The following SLIT2 variants were observed in gnomAD, a reference collection of about 807,000 sequenced individuals.
SLIT2 encodes the protein slit homolog 2 protein.
In SLIT2, 41 loss-of-function variants were observed where a neutral mutation model predicts 185.7. That is an observed-to-expected ratio of 0.22 (90% CI 0.17 to 0.29). SLIT2 has a LOEUF of 0.29. Ranked by LOEUF, SLIT2 falls within the 10% of genes least tolerant of loss-of-function variation. The pLI is 1.00. For synonymous variants in SLIT2, 693 were observed against 680.2 expected, an observed-to-expected ratio of 1.02 and a Z score of -0.29; for missense variants, 1,571 against 1,909.0, an observed-to-expected ratio of 0.82 and a Z score of 3.30.
intron 9 of SLIT2, among the ~76,000 whole-genome samples, chr4:20,496,499 G>C (rs1718240536): frequency 6.6e-6 from 1 of 152,186 alleles, no homozygotes; most frequent in South Asian, 2.1e-4. Context: ...GCACAGGTCA[G>C]ATAAAGGCTG....
intron 26 of SLIT2, among the ~76,000 whole-genome samples, chr4:20,561,458 CTG>C (rs1724685269): frequency 6.6e-6 from 1 of 151,610 alleles, no homozygotes; most frequent in Non-Finnish European, 1.5e-5. Context: ...AGCTTTTGTT[CTG>C]TGTCTTAAAA....
intron 9 of SLIT2, among the ~76,000 whole-genome samples, chr4:20,494,493 T>G (rs1286445774): frequency 6.6e-6 from 1 of 152,086 alleles, no homozygotes; most frequent in Non-Finnish European, 1.5e-5. Context: ...GTACAAAAAT[T>G]GGGCTGGGTG....
intron 21 of SLIT2, 76 bp from the exon 22 acceptor site, chr4:20,545,955 G>T (rs12501870): frequency 6.6e-6 from 5 of 761,134 alleles, no homozygotes; most frequent in African/African-American, 1.8e-5. Flanking sequence ...TCAGTTAAGA[G>T]TGAAGTACTG....
At chr4:20,308,899 T>C (rs1312927354) in intron 4 of SLIT2, among the ~76,000 whole-genome samples, 1 of 152,172 alleles carries the variant, frequency 6.6e-6, no homozygotes, top group Non-Finnish European at 1.5e-5. Flanking sequence ...AAAGTTCACA[T>C]GCTTTTCATT....
Position 20,515,847 on chromosome 4 carries a change from G to A in SLIT2, c.1059-3535G>A, listed in dbSNP as rs940900172. Among the ~76,000 whole-genome samples, 143 of 151,946 alleles carry A rather than the reference G, an allele frequency of 9.4e-4. 1 individual carries two copies. Among genetic ancestry groups the A allele is most frequent in the South Asian group, 4.2e-4 (2 of 4,818 alleles). On this transcript the variant is annotated intron_variant, in intron 11 of 36. Transcript: ENST00000504154. ...GCTTTCTTTTTTGAGACGGAGTCTC[G>A]CACTGTCACCGAGGCTGGAGTACAA...
rs1726944447 is a variant in SLIT2 at position 20,408,466 on chromosome 4, T to C, written c.396-59286T>C. On this transcript the variant is annotated intron_variant, in intron 4 of 36. Transcript: ENST00000504154. ...TGAAAGCTTGAGAGTTCCTTGCCTC[T>C]ACTATGCCCAGATCTCAGCCCAAAG... Among the ~76,000 whole-genome samples, 3 of 152,150 alleles carry C rather than the reference T, an allele frequency of 2.0e-5. No homozygotes were observed. In the South Asian group the frequency reaches 6.2e-4, roughly 32 times the overall value.
intron 5 of SLIT2, among the ~76,000 whole-genome samples, chr4:20,472,218 G>A (rs1715117033): frequency 9.2e-6 from 1 of 108,772 alleles, no homozygotes; most frequent in African/African-American, 3.5e-5. Context: ...ATGTGTGTGT[G>A]TGTGTATATA....
At chr4:20,599,622 G>A (rs1728259684) in intron 33 of SLIT2, among the ~76,000 whole-genome samples, 1 of 152,096 alleles carries the variant, frequency 6.6e-6, no homozygotes, top group Non-Finnish European at 1.5e-5. Context: ...AGTTCTTCGT[G>A]GAGAAAATAT....
chr4:20,407,466 C>G (rs769850759), intron 4 of SLIT2, among the ~76,000 whole-genome samples: 2 of 152,074 alleles, frequency 1.3e-5, no homozygotes, highest in African/African-American at 4.8e-5. Context: ...GTTATTTATC[C>G]TTGACTTACC....
In SLIT2 at chr4:20,379,439, TAGTA is replaced by T. The variant is rs200681364; in HGVS notation, c.396-88309_396-88306del. Among the ~76,000 whole-genome samples the T allele has an allele frequency of 5.9e-3, 893 of 152,330 alleles. 6 individuals are homozygous for T. The highest frequency in any genetic ancestry group is 0.052 in the East Asian group (272 of 5,186). ...TGTCGCCTTATCCAACTATTAATGA[TAGTA>T]AGTGTGAGTGCTTGATGGATCATCT... On this transcript the variant is annotated intron_variant, in intron 4 of 36. Coordinates refer to ENST00000504154, the MANE Select transcript of SLIT2 (RefSeq NM_004787.4).
intron 4 of SLIT2, among the ~76,000 whole-genome samples, chr4:20,461,351 C>T (rs1200315884): frequency 6.6e-6 from 1 of 152,016 alleles, no homozygotes; most frequent in African/African-American, 2.4e-5. Flanking sequence ...GCAGGTAACC[C>T]TAAGGAGGCC....
chr4:20,315,516 G>T (rs1718497306), intron 4 of SLIT2, among the ~76,000 whole-genome samples: 1 of 152,082 alleles, frequency 6.6e-6, no homozygotes, highest in Admixed American at 6.5e-5. Flanking sequence ...AGAAGGGGAA[G>T]AATGTGTATC....
intron 4 of SLIT2, among the ~76,000 whole-genome samples, chr4:20,344,037 G>A (rs1721183434): frequency 6.6e-6 from 1 of 152,054 alleles, no homozygotes; most frequent in South Asian, 2.1e-4. Flanking sequence ...TTTTGGTAGA[G>A]ATGAGGTTTC....
intron 8 of SLIT2, chr4:20,490,853 G>T (rs765863932): frequency 9.8e-5 from 144 of 1,474,384 alleles, no homozygotes; most frequent in Admixed American, 9.0e-4. Context: ...GGATATTTTT[G>T]TAGTTTAAGA....
intron 4 of SLIT2, among the ~76,000 whole-genome samples, chr4:20,284,718 G>A (rs1715102579): frequency 6.6e-6 from 1 of 152,142 alleles, no homozygotes; most frequent in South Asian, 2.1e-4. Flanking sequence ...ACAAAATCCT[G>A]AAGAAAGGGC....
Position 20,550,450 on chromosome 4 carries a change from TA to T in SLIT2, c.2490-376del, listed in dbSNP as rs1032616617. The stretch of plus-strand genomic sequence containing the variant: ...ATATTATTCTATTTCTTATATGGAA[TA>T]TTTTATTGTTTGGATATATTTTATG... On this transcript the variant is annotated intron_variant, in intron 24 of 36. Transcript: ENST00000504154. Among the ~76,000 whole-genome samples the T allele has an allele frequency of 8.2e-4, 125 of 152,142 alleles. 1 individual carries two copies. The highest frequency in any genetic ancestry group is 2.8e-3 in the African/African-American group (116 of 41,576).
At chr4:20,443,607 A>G (rs1729937546) in intron 4 of SLIT2, among the ~76,000 whole-genome samples, 1 of 151,024 alleles carries the variant, frequency 6.6e-6, no homozygotes, top group African/African-American at 2.4e-5. Flanking sequence ...AAAAAAAAAA[A>G]AAGAGTAATT....
At chr4:20,421,132 A>G (rs1293490627) in intron 4 of SLIT2, among the ~76,000 whole-genome samples, 1 of 152,206 alleles carries the variant, frequency 6.6e-6, no homozygotes, top group Non-Finnish European at 1.5e-5. Flanking sequence ...TTTAGCCCAG[A>G]TATTAAAATG....
At chr4:20,282,776 CT>C (rs1347412582) in intron 4 of SLIT2, among the ~76,000 whole-genome samples, 1 of 152,048 alleles carries the variant, frequency 6.6e-6, no homozygotes, top group Non-Finnish European at 1.5e-5. Flanking sequence ...CCTGTTTGTT[CT>C]TGTTAATCCA....
Sources: gnomAD v4.1 joint callset for allele counts (sites outside exome capture counted in the v4.1 genomes callset) on GRCh38, gnomAD v4.1.1 for gene constraint, MANE v1.5 for transcripts, NCBI Gene and HGNC (gene_info 2026-07-23, HGNC 2026-07-21) for gene names.